KCNQ3: variants seen among roughly 807,000 people sequenced by gnomAD.
KCNQ3 encodes potassium voltage-gated channel subfamily Q member 3.
KCNQ3 carries 30 observed loss-of-function variants against 92.5 expected under a neutral mutation model. The observed-to-expected ratio is 0.32, with a 90% CI of 0.24 to 0.44. The LOEUF (loss-of-function observed/expected upper bound fraction) is 0.44. Ranked by LOEUF, KCNQ3 falls within the 20% of genes least tolerant of loss-of-function variation. The probability of loss-of-function intolerance (pLI) is 1.00; values close to 1 mark genes in which losing one functional copy is unlikely to be tolerated. For synonymous variants in KCNQ3, 450 were observed against 468.8 expected, an observed-to-expected ratio of 0.96 and a Z score of 0.52; for missense variants, 913 against 1,140.3, an observed-to-expected ratio of 0.80 and a Z score of 2.87.
chr8:132,324,425 T>C (rs908678647), intron 1 of KCNQ3, among the ~76,000 whole-genome samples: 4 of 152,128 alleles, frequency 2.6e-5, no homozygotes, highest in Admixed American at 2.6e-4. Flanking sequence ...AGTGAAGAAA[T>C]GTGTGAATAA....
At position 132,128,040 on chromosome 8, in the gene KCNQ3, G is replaced by A. The variant is rs1824727157; in HGVS notation, c.*1222C>T. On this transcript the variant is annotated 3_prime_UTR_variant, in exon 15 of 15. Transcript: ENST00000388996. ...CTAGATCTGAAATGCATTGCATCAA[G>A]CAAGCATGTTTTGCAATAAAAGTGG... 6.6e-6 allele frequency: 1 copy of A among 152,226 alleles called. No individual in the cohort carries two copies. Among genetic ancestry groups the A allele is most frequent in the South Asian group, 2.1e-4 (1 of 4,834 alleles). 9.4% of individuals were successfully genotyped at this position (152,226 alleles called of 1,614,324 possible). A position where few individuals can be genotyped will look rare whatever the true frequency, so the allele number is the denominator to read the frequency against.
chr8:132,359,114 A>C (rs1317802044), intron 1 of KCNQ3, among the ~76,000 whole-genome samples: 1 of 152,238 alleles, frequency 6.6e-6, no homozygotes, highest in Non-Finnish European at 1.5e-5. Flanking sequence ...TATTGGGAAC[A>C]GTACAGTATA....
intron 4 of KCNQ3, among the ~76,000 whole-genome samples, chr8:132,176,808 C>T (rs1254632517): frequency 6.6e-6 from 1 of 152,238 alleles, no homozygotes; most frequent in Non-Finnish European, 1.5e-5. Context: ...ATTCCCTCCC[C>T]ATTTTCTAAA....
chr8:132,327,688 C>A lies in KCNQ3; in HGVS notation c.387-141507G>T, dbSNP rs547878957. 1.2e-4 allele frequency among the ~76,000 whole-genome samples: 18 copies of A among 152,306 alleles called. No homozygotes were observed. In the South Asian group the frequency reaches 3.5e-3, roughly 30 times the overall value. ...TGACACCCCAAGTACCTGCTGGGCT[C>A]CATGGGCCTCATCCTGTTCTCTGCT... is the stretch of plus-strand genomic sequence containing the variant. On this transcript the variant is annotated intron_variant, in intron 1 of 14. Transcript: ENST00000388996.
At chr8:132,414,766 CTG>C (rs909288880) in intron 1 of KCNQ3, among the ~76,000 whole-genome samples, 29 of 152,346 alleles carry the variant, frequency 1.9e-4, no homozygotes, top group African/African-American at 7.0e-4. Context: ...CAAACAAACA[CTG>C]TGCGTGATAG....
chr8:132,314,507 C>CAGAGTAATA (rs1292972113), intron 1 of KCNQ3, among the ~76,000 whole-genome samples: 3 of 152,050 alleles, frequency 2.0e-5, no homozygotes, highest in Non-Finnish European at 4.4e-5. Context: ...TTCAGAAAAA[C>CAGAGTAATA]AGAGTAATAA....
At chr8:132,451,520 T>G (rs1821821553) in intron 1 of KCNQ3, among the ~76,000 whole-genome samples, 1 of 152,208 alleles carries the variant, frequency 6.6e-6, no homozygotes, top group Non-Finnish European at 1.5e-5. Context: ...CAGCTTGCAT[T>G]TTCCAGAATA....
At chr8:132,220,158 AC>A (rs2130333366) in intron 1 of KCNQ3, among the ~76,000 whole-genome samples, 1 of 151,958 alleles carries the variant, frequency 6.6e-6, no homozygotes, top group Non-Finnish European at 1.5e-5. Context: ...CTCCAAACCT[AC>A]CCCCTGCAAT....
In KCNQ3 at chr8:132,124,005, T is replaced by C. The variant is rs1824580410; in HGVS notation, c.*5257A>G. ...ACAGTTGACTTTCCTTGGGAAATCA[T>C]GAGTCTTTTATTTTTGCAATTTGGC... On this transcript the variant is annotated 3_prime_UTR_variant, in exon 15 of 15. Transcript: ENST00000388996. The C allele has an allele frequency of 6.6e-6, 1 of 152,160 alleles. No homozygotes were observed. Among genetic ancestry groups the C allele is most frequent in the Non-Finnish European group, 1.5e-5 (1 of 68,040 alleles). The allele number at this position is 152,160 out of a possible 1,614,324, so 9.4% of individuals were successfully genotyped here. A position where few individuals can be genotyped will look rare whatever the true frequency, so the allele number is the denominator to read the frequency against.
rs1195934839 is a variant in KCNQ3 at position 132,283,092 on chromosome 8, C to CGTGTGTGTGTGTGT, written c.387-96925_387-96912dup. Among the ~76,000 whole-genome samples the CGTGTGTGTGTGTGT allele has an allele frequency of 3.2e-3, 420 of 130,668 alleles. 2 individuals carry two copies. The highest frequency in any genetic ancestry group is 4.9e-3 in the East Asian group (22 of 4,468). 85.7% of individuals were successfully genotyped at this position (130,668 alleles called of 152,430 possible). On this transcript the variant is annotated intron_variant, in intron 1 of 14. Transcript: ENST00000388996. The stretch of plus-strand genomic sequence containing the variant: ...GATGAGGATCTCTCTCTCTCTCTCT[C>CGTGTGTGTGTGTGT]GTGTGTGTGTGTGTGTGTGTGTGTG...
intron 1 of KCNQ3, among the ~76,000 whole-genome samples, chr8:132,258,340 T>A (rs1030034809): frequency 6.6e-6 from 1 of 152,084 alleles, no homozygotes; most frequent in Admixed American, 6.5e-5. Context: ...ATAAAATTAG[T>A]AATCAAAATT....
In KCNQ3 at chr8:132,198,454, G is replaced by A. The variant is rs564394118; in HGVS notation, c.387-12273C>T. Among the ~76,000 whole-genome samples, 17 of 152,316 alleles carry A rather than the reference G, an allele frequency of 1.1e-4. No individual in the cohort carries two copies. In the Middle Eastern group the frequency reaches 0.017, roughly 152 times the overall value. On this transcript the variant is annotated intron_variant, in intron 1 of 14. Transcript: ENST00000388996. ...TCCAGGATCTGAATCTTAGCTCACC[G>A]CTTAGCAACGTGATGATATTTGGCA...
chr8:132,288,982 AG>A (rs1022902248), intron 1 of KCNQ3, among the ~76,000 whole-genome samples: 33 of 152,208 alleles, frequency 2.2e-4, no homozygotes, highest in African/African-American at 8.0e-4. Context: ...ACAAGTGAAA[AG>A]GTAGGAGTTC....
At chr8:132,425,240 A>AT (rs1821078141) in intron 1 of KCNQ3, among the ~76,000 whole-genome samples, 1 of 152,234 alleles carries the variant, frequency 6.6e-6, no homozygotes, top group South Asian at 2.1e-4. Context: ...AAGAGCTGCT[A>AT]TTTATAGAAG....
intron 1 of KCNQ3, among the ~76,000 whole-genome samples, chr8:132,260,213 A>G (rs1815734236): frequency 6.6e-6 from 1 of 152,204 alleles, no homozygotes; most frequent in Non-Finnish European, 1.5e-5. Context: ...TTCAAATATA[A>G]TGAGAAGGTT....
At position 132,194,443 on chromosome 8, in the gene KCNQ3, C is replaced by T. The variant is rs183099963; in HGVS notation, c.387-8262G>A. On this transcript the variant is annotated intron_variant, in intron 1 of 14. Coordinates refer to ENST00000388996, the MANE Select transcript of KCNQ3 (RefSeq NM_004519.4). ...GCCCCAAAAAGGATGTTTGAGTCAT[C>T]TCCTAATGAGAACTGTTCCATCCAC... Among the ~76,000 whole-genome samples, 960 of 152,310 alleles carry T rather than the reference C, an allele frequency of 6.3e-3. 11 individuals are homozygous for T. The highest frequency in any genetic ancestry group is 0.022 in the African/African-American group (919 of 41,558).
chr8:132,352,201 A>C (rs761494047), intron 1 of KCNQ3, among the ~76,000 whole-genome samples: 3 of 152,154 alleles, frequency 2.0e-5, no homozygotes, highest in Non-Finnish European at 4.4e-5. Flanking sequence ...TGCATTTTAC[A>C]TCCAAGCAGT....
chr8:132,271,002 A>T (rs184183609), intron 1 of KCNQ3, among the ~76,000 whole-genome samples: 1 of 152,356 alleles, frequency 6.6e-6, no homozygotes, highest in Non-Finnish European at 1.5e-5. Context: ...GTGACTAAGA[A>T]AAGACAAGGA....
In KCNQ3 at chr8:132,241,599, C is replaced by T. The variant is rs1056593682; in HGVS notation, c.387-55418G>A. Among the ~76,000 whole-genome samples, 8 of 152,148 alleles carry T rather than the reference C, an allele frequency of 5.3e-5. No individual in the cohort carries two copies. The East Asian group carries it at 5.8e-4, about 11-fold the overall frequency. On this transcript the variant is annotated intron_variant, in intron 1 of 14. Coordinates refer to ENST00000388996, the MANE Select transcript of KCNQ3 (RefSeq NM_004519.4). ...CTGTTATCCCAGAACTTTGGGAGGC[C>T]GAGGCGGGCAGATCATCTGAGGTCA...
Sources: allele counts gnomAD v4.1 joint callset (sites outside exome capture counted in the v4.1 genomes callset), GRCh38; gene constraint gnomAD v4.1.1; transcripts MANE v1.5; gene names NCBI Gene and HGNC (gene_info 2026-07-23, HGNC 2026-07-21).